Variants in EPB41L5 observed in about 807,000 individuals in gnomAD.
EPB41L5 encodes the protein band 4.1-like protein 5.
A neutral mutation model predicts 106.6 loss-of-function variants in EPB41L5; 55 were observed. That is an observed-to-expected ratio of 0.52 (90% CI 0.42 to 0.65). The LOEUF (loss-of-function observed/expected upper bound fraction) is 0.65, where lower values mean the gene tolerates loss of function less well. Among genes scored for constraint, EPB41L5 ranks in the 30% least tolerant of loss-of-function variants. The pLI is 0.00. For synonymous variants in EPB41L5, 297 were observed against 306.7 expected, an observed-to-expected ratio of 0.97 and a Z score of 0.33; for missense variants, 871 against 882.1, an observed-to-expected ratio of 0.99 and a Z score of 0.16.
intron 19 of EPB41L5, among the ~76,000 whole-genome samples, chr2:120,144,508 C>T (rs142267161): frequency 1.3e-5 from 2 of 152,246 alleles, no homozygotes; most frequent in African/African-American, 2.4e-5. Flanking sequence ...ACATGAGTAA[C>T]CCTAAAGTAA....
intron 20 of EPB41L5, among the ~76,000 whole-genome samples, chr2:120,147,453 C>T (rs996805170): frequency 6.6e-6 from 1 of 151,686 alleles, no homozygotes; most frequent in Non-Finnish European, 1.5e-5. Flanking sequence ...TGGTGAAACC[C>T]GTCTCTACTA....
chr2:120,123,646 CTTTTTTTTTTTTT>C (rs869296989), intron 16 of EPB41L5, among the ~76,000 whole-genome samples: 3 of 68,304 alleles, frequency 4.4e-5, no homozygotes, highest in Non-Finnish European at 5.5e-5. Context: ...GTGTTCGTCC[CTTTTTTTTTTTTT>C]TTTTTTTTTT....
chr2:120,106,197 G>A (rs1326950011), intron 16 of EPB41L5: 2 of 985,188 alleles, frequency 2.0e-6, no homozygotes, highest in Non-Finnish European at 2.4e-6. Context: ...ATTGATTTGC[G>A]AATTCCTGAT....
intron 16 of EPB41L5, chr2:120,104,029 T>G: frequency 1.3e-6 from 2 of 1,499,388 alleles, no homozygotes; most frequent in East Asian, 4.9e-5. Flanking sequence ...ATTGACTAAC[T>G]GTGCTCCCCT....
intron 13 of EPB41L5, 111 bp from the exon 14 acceptor site, chr2:120,093,137 TG>T: frequency 1.1e-6 from 1 of 891,460 alleles, no homozygotes; most frequent in Non-Finnish European, 1.9e-6. Context: ...AATAAATTTA[TG>T]GTTGTGAAAC....
At chr2:120,150,848 T>A (rs576730143) in intron 20 of EPB41L5, among the ~76,000 whole-genome samples, 42 of 152,370 alleles carry the variant, frequency 2.8e-4, no homozygotes, top group African/African-American at 9.9e-4. Context: ...AGCCTTTTGA[T>A]GCATAAAAAT....
In EPB41L5 at chr2:120,176,993, C is replaced by G. The variant is rs1227208756; in HGVS notation, c.*2086C>G. The G allele has an allele frequency of 2.0e-5, 3 of 152,146 alleles. No homozygotes were observed. Among genetic ancestry groups the G allele is most frequent in the Admixed American group, 2.0e-4 (3 of 15,286 alleles). 9.4% of individuals were successfully genotyped at this position (152,146 alleles called of 1,614,324 possible). On this transcript the variant is annotated 3_prime_UTR_variant, in exon 25 of 25. Coordinates refer to ENST00000263713, the MANE Select transcript of EPB41L5 (RefSeq NM_020909.4). ...ACTTGAATTTCAAGCTCAGAGGAAA[C>G]TTTGTCTCATGCCCTGACATGAAGT...
intron 16 of EPB41L5, among the ~76,000 whole-genome samples, chr2:120,119,238 A>G (rs1384795631): frequency 6.6e-6 from 1 of 151,822 alleles, no homozygotes; most frequent in East Asian, 1.9e-4. Context: ...TTTGTCAGAT[A>G]GATATATTGC....
intron 16 of EPB41L5, among the ~76,000 whole-genome samples, chr2:120,119,255 C>G (rs763847314): frequency 1.9e-4 from 29 of 152,022 alleles, no homozygotes; most frequent in Non-Finnish European, 3.1e-4. Context: ...TTGCAAAAAT[C>G]TTCTCCCATT....
At chr2:120,094,823 G>A (rs1050714625) in intron 14 of EPB41L5, among the ~76,000 whole-genome samples, 2 of 151,990 alleles carry the variant, frequency 1.3e-5, no homozygotes, top group African/African-American at 4.8e-5. Context: ...GATTACTTAG[G>A]AGTGTGTTGC....
intron 1 of EPB41L5, 38 bp downstream of exon 1, chr2:120,013,248 C>G (rs759893601): frequency 6.6e-6 from 1 of 152,390 alleles, no homozygotes; most frequent in Non-Finnish European, 1.5e-5. Context: ...GCAGTACAGT[C>G]CGCTGCGCTC....
intron 10 of EPB41L5, among the ~76,000 whole-genome samples, chr2:120,084,060 C>G (rs1203886428): frequency 6.6e-6 from 1 of 152,102 alleles, no homozygotes; most frequent in Non-Finnish European, 1.5e-5. Context: ...ATCCAATTTG[C>G]CAGTCTGTGT....
chr2:120,076,839 C>T, intron 7 of EPB41L5, 132 bp from the exon 8 acceptor site: 1 of 762,770 alleles, frequency 1.3e-6, no homozygotes, highest in Non-Finnish European at 2.0e-6. Context: ...CTTTTGGAGA[C>T]TTGTCTGAGT....
chr2:120,042,377 G>A (rs781537626), intron 3 of EPB41L5, among the ~76,000 whole-genome samples: 1 of 152,142 alleles, frequency 6.6e-6, no homozygotes, highest in Non-Finnish European at 1.5e-5. Context: ...TTTAATAACT[G>A]TTGTCTGGAT....
intron 3 of EPB41L5, among the ~76,000 whole-genome samples, chr2:120,048,856 G>A (rs1574528914): frequency 6.6e-6 from 1 of 152,112 alleles, no homozygotes; most frequent in East Asian, 1.9e-4. Context: ...AGAGATTCTG[G>A]TATGTTGTGT....
intron 2 of EPB41L5, among the ~76,000 whole-genome samples, chr2:120,025,387 C>T (rs1337707204): frequency 6.6e-6 from 1 of 151,510 alleles, no homozygotes; most frequent in Non-Finnish European, 1.5e-5. Context: ...TTTTTTCTTG[C>T]TTTCCATTTG....
intron 15 of EPB41L5, 47 bp downstream of exon 15, chr2:120,100,333 T>C (rs1179077922): frequency 6.5e-7 from 1 of 1,543,264 alleles, no homozygotes; most frequent in African/African-American, 1.4e-5. Context: ...CCGTTAATTA[T>C]GGTAACAGTA....
intron 3 of EPB41L5, among the ~76,000 whole-genome samples, chr2:120,053,616 CATA>C (rs1680437068): frequency 6.6e-6 from 1 of 152,172 alleles, no homozygotes. Context: ...ATGTACTTAG[CATA>C]ATGTTTTCAT....
chr2:120,125,795 G>T (rs1252596429), intron 16 of EPB41L5, among the ~76,000 whole-genome samples: 1 of 152,066 alleles, frequency 6.6e-6, no homozygotes, highest in Non-Finnish European at 1.5e-5. Context: ...GTATTGGTTT[G>T]CTAGGACTAC....
Sources: gnomAD v4.1 joint callset for allele counts (sites outside exome capture counted in the v4.1 genomes callset) on GRCh38, gnomAD v4.1.1 for gene constraint, MANE v1.5 for transcripts, NCBI Gene and HGNC (gene_info 2026-07-23, HGNC 2026-07-21) for gene names.